Variants in CPLANE1 observed in about 807,000 individuals in gnomAD.
CPLANE1 encodes the protein ciliogenesis and planar polarity effector 1.
A neutral mutation model predicts 362.5 loss-of-function variants in CPLANE1; 263 were observed. That is an observed-to-expected ratio of 0.73 (90% CI 0.66 to 0.80). The LOEUF is 0.80. Among genes scored for constraint, CPLANE1 ranks in the 30% least tolerant of loss-of-function variants. CPLANE1 has a pLI of 0.00. For missense variants in CPLANE1, 3,461 were observed against 3,793.4 expected (o/e 0.91, Z 2.30); for synonymous variants, 1,212 against 1,302.6 (o/e 0.93, Z 1.50).
downstream of CPLANE1, among the ~76,000 whole-genome samples, chr5:37,103,867 G>A (rs1422081850): frequency 3.3e-5 from 5 of 151,988 alleles, no homozygotes; most frequent in East Asian, 1.9e-4. Flanking sequence ...AAAGTATCTC[G>A]AGAACTGGGG....
chr5:37,153,831 A>G lies in CPLANE1; in HGVS notation c.8282T>C (p.Ile2761Thr), dbSNP rs764690794. ...CTGTATTGCTAGCAACTGCTCGTCAATTTTCTGAAGCTTAGCACTGAGATG... is the reference window on the plus strand; with the variant it reads ...CTGTATTGCTAGCAACTGCTCGTCAGTTTTCTGAAGCTTAGCACTGAGATG... The part of the protein sequence containing the change: ...LEHLSAKLQK[I>T]DEQLLAIQNI... The change falls in exon 42 of 53, where the codon ATT becomes ACT. Residue 2761 changes from isoleucine to threonine, a missense_variant. Around this residue, in one of 2 missense-constraint regions of CPLANE1, gnomAD observed 3,380 missense variants for 3,666.1 expected, o/e 0.92. Transcript: ENST00000651892. 14 of 1,614,082 alleles carry G rather than the reference A, an allele frequency of 8.7e-6. No homozygotes were observed. Among genetic ancestry groups the G allele is most frequent in the South Asian group, 2.2e-5 (2 of 91,080 alleles).
At chr5:37,132,583 T>C (rs1279924044) in intron 46 of CPLANE1, among the ~76,000 whole-genome samples, 1 of 152,158 alleles carries the variant, frequency 6.6e-6, no homozygotes, top group East Asian at 1.9e-4. Context: ...CCTGACCTTG[T>C]AATCCGCCCG....
Position 37,240,221 on chromosome 5 carries a change from G to A in CPLANE1, c.678-352C>T, listed in dbSNP as rs113171567. Among the ~76,000 whole-genome samples, 9 of 152,214 alleles carry A rather than the reference G, an allele frequency of 5.9e-5. 1 individual carries two copies. The highest frequency in any genetic ancestry group is 2.2e-4 in the African/African-American group (9 of 41,520). ...CAAAATTACCTGGGCATGGTGGAGT[G>A]CACCTGTAATCCAAGCTATTCGGGA... On this transcript the variant is annotated intron_variant, in intron 6 of 52. Transcript: ENST00000651892.
At chr5:37,222,512 C>T (rs1007005972) in intron 14 of CPLANE1, among the ~76,000 whole-genome samples, 4 of 152,174 alleles carry the variant, frequency 2.6e-5, no homozygotes, top group Non-Finnish European at 4.4e-5. Context: ...TTCTGCCCTC[C>T]TTTCACAAAG....
At chr5:37,145,307 A>G (rs534289012) in intron 43 of CPLANE1, among the ~76,000 whole-genome samples, 123 of 152,298 alleles carry the variant, frequency 8.1e-4, no homozygotes, top group Non-Finnish European at 1.4e-3. Context: ...ACTCCATCTC[A>G]AAAACAAACA....
In CPLANE1 at chr5:37,109,703, C is replaced by T. The variant is rs529755818; in HGVS notation, c.9401-1232G>A. 6.6e-5 allele frequency among the ~76,000 whole-genome samples: 10 copies of T among 152,330 alleles called. No individual in the cohort carries two copies. In the East Asian group the frequency reaches 1.9e-3, roughly 29 times the overall value. On this transcript the variant is annotated intron_variant, in intron 51 of 52. Transcript: ENST00000651892. ...GACGGAATCTCACTCTGTCCCCAGG[C>T]TGGAATGCAGTGGTGCAATTTCGGT...
intron 42 of CPLANE1, 22 bp downstream of exon 42, chr5:37,153,718 A>T: frequency 6.3e-7 from 1 of 1,582,610 alleles, no homozygotes; most frequent in Non-Finnish European, 8.6e-7. Context: ...CAAACAAAAA[A>T]CTAAAAATAA....
intron 23 of CPLANE1, among the ~76,000 whole-genome samples, chr5:37,187,060 CAAAAAAAAAAAAA>C (rs61112118): frequency 0.012 from 606 of 50,410 alleles, 15 homozygotes; most frequent in Middle Eastern, 0.037. Context: ...GACTCCGTCT[CAAAAAAAAAAAAA>C]AAAAAAAAAA....
At chr5:37,086,729 C>T in the CPLANE1 span, among the ~76,000 whole-genome samples, 9 of 152,216 alleles carry the variant, frequency 5.9e-5, no homozygotes, top group East Asian at 1.4e-3. Context: ...GGAGGGCCAG[C>T]GAGTCAGGGC....
intron 6 of CPLANE1, among the ~76,000 whole-genome samples, chr5:37,242,249 G>T (rs1800723343): frequency 6.6e-6 from 1 of 151,942 alleles, no homozygotes; most frequent in African/African-American, 2.4e-5. Context: ...AGCTACTCGG[G>T]AGGCTGAGGC....
At chr5:37,145,889 C>A (rs889183804) in intron 43 of CPLANE1, among the ~76,000 whole-genome samples, 2 of 152,104 alleles carry the variant, frequency 1.3e-5, no homozygotes, top group Non-Finnish European at 1.5e-5. Flanking sequence ...GGAATGAAAT[C>A]TAGGTACATG....
chr5:37,098,923 CAAAAAAAA>C, the CPLANE1 span, among the ~76,000 whole-genome samples: 1 of 52,076 alleles, frequency 1.9e-5, no homozygotes, highest in Admixed American at 2.1e-4. Context: ...ATGCCTACAT[CAAAAAAAA>C]AAAAAAAAAA....
At chr5:37,229,044 A>T (rs1797078591) in intron 9 of CPLANE1, among the ~76,000 whole-genome samples, 1 of 151,452 alleles carries the variant, frequency 6.6e-6, no homozygotes, top group Admixed American at 6.6e-5. Flanking sequence ...ATACGGTGAA[A>T]CCCCATCTCT....
intron 38 of CPLANE1, among the ~76,000 whole-genome samples, chr5:37,159,792 T>C (rs1365627255): frequency 6.6e-6 from 1 of 152,210 alleles, no homozygotes; most frequent in African/African-American, 2.4e-5. Flanking sequence ...TTAAGGGGGA[T>C]GGTGACTAGC....
chr5:37,122,332 A>C (rs1349590518), intron 48 of CPLANE1, 98 bp downstream of exon 48: 4 of 923,082 alleles, frequency 4.3e-6, no homozygotes, highest in Non-Finnish European at 6.9e-6. Context: ...TATTGACAAA[A>C]AAGAGACTAT....
chr5:37,235,764 G>T (rs1046190573), intron 8 of CPLANE1, among the ~76,000 whole-genome samples: 14 of 151,164 alleles, frequency 9.3e-5, no homozygotes, highest in African/African-American at 3.4e-4. Context: ...TAGAGACAGG[G>T]TTTCACCATG....
At chr5:37,212,040 CAG>C (rs1345641620) in intron 16 of CPLANE1, 7 of 937,122 alleles carry the variant, frequency 7.5e-6, no homozygotes, top group African/African-American at 3.2e-5. Flanking sequence ...AGAACGAAAG[CAG>C]AGAGAAGAAA....
At chr5:37,205,189 CAT>C (rs1413324428) in intron 18 of CPLANE1, 124 bp downstream of exon 18, 1 of 601,106 alleles carries the variant, frequency 1.7e-6, no homozygotes, top group African/African-American at 1.9e-5. Context: ...AAATAAATAT[CAT>C]ACTTTCATTT....
chr5:37,175,063 A>C (rs1780790286), intron 31 of CPLANE1, among the ~76,000 whole-genome samples: 1 of 152,130 alleles, frequency 6.6e-6, no homozygotes, highest in Admixed American at 6.5e-5. Context: ...GGGTTCCTGA[A>C]GTGTGATGGA....
Sources: gnomAD v4.1 joint callset for allele counts (sites outside exome capture counted in the v4.1 genomes callset) on GRCh38, gnomAD v4.1.1 for gene constraint, gnomAD v4.1.1 regional missense constraint, MANE v1.5 for transcripts, NCBI Gene and HGNC (gene_info 2026-07-23, HGNC 2026-07-21) for gene names.